The following NCAM2 variants were observed in gnomAD, a reference collection of about 807,000 sequenced individuals.
NCAM2 encodes the protein N-CAM-2.
Under a neutral mutation model 98.1 loss-of-function variants are expected in NCAM2, and 30 were observed. The ratio of observed to expected loss-of-function variants is 0.31; its 90% CI spans 0.23 to 0.41. The LOEUF is 0.41. Among genes scored for constraint, NCAM2 ranks in the 10% least tolerant of loss-of-function variants. The probability of loss-of-function intolerance (pLI) is 1.00; values close to 1 mark genes in which losing one functional copy is unlikely to be tolerated. For missense variants in NCAM2, 867 were observed against 1,005.8 expected, an observed-to-expected ratio of 0.86 and a Z score of 1.87; for synonymous variants, 368 against 342.4, an observed-to-expected ratio of 1.07 and a Z score of -0.83.
In NCAM2 at chr21:21,432,309, G is replaced by A. The variant is rs1393343092; in HGVS notation, c.1654+28G>A. Reference sequence around the variant, plus strand: ...GAGTCAACAATTTCAAAATGTGTTGGTTAATTCAAGCTGATCTTCAGTATA... The same window carrying A: ...GAGTCAACAATTTCAAAATGTGTTGATTAATTCAAGCTGATCTTCAGTATA... On this transcript the variant is annotated intron_variant, in intron 12 of 17. Transcript: ENST00000400546. 1.4e-5 allele frequency: 22 copies of A among 1,603,434 alleles called. No individual in the cohort carries two copies. The Admixed American group carries it at 3.5e-4, about 26-fold the overall frequency.
intron 6 of NCAM2, among the ~76,000 whole-genome samples, chr21:21,326,872 T>TA (rs1432985115): frequency 0.19 from 52 of 268 alleles, no homozygotes; most frequent in Non-Finnish European, 0.27. Context: ...ACCTTGTATC[T>TA]GACATATAGA....
At chr21:21,450,925 C>A (rs1437828376) in intron 12 of NCAM2, among the ~76,000 whole-genome samples, 2 of 151,416 alleles carry the variant, frequency 1.3e-5, no homozygotes, top group East Asian at 3.9e-4. Context: ...TTAAATGCTG[C>A]TTTTAATTTA....
chr21:21,403,986 T>C (rs1288310488), intron 9 of NCAM2, among the ~76,000 whole-genome samples: 2 of 151,550 alleles, frequency 1.3e-5, no homozygotes, highest in East Asian at 3.9e-4. Flanking sequence ...TAATATATGG[T>C]ATCATAATAC....
At chr21:21,512,552 G>T (rs1354103889) in intron 16 of NCAM2, among the ~76,000 whole-genome samples, 1 of 151,932 alleles carries the variant, frequency 6.6e-6, no homozygotes, top group Non-Finnish European at 1.5e-5. Context: ...TTTGAGTCAG[G>T]ATGGTTTTGG....
chr21:21,143,049 G>T (rs986837239), intron 1 of NCAM2, among the ~76,000 whole-genome samples: 8 of 152,136 alleles, frequency 5.3e-5, no homozygotes, highest in Admixed American at 4.6e-4. Flanking sequence ...TATATTCAAA[G>T]AAGTTATACT....
intron 16 of NCAM2, among the ~76,000 whole-genome samples, chr21:21,527,940 C>G (rs1429569930): frequency 6.6e-6 from 1 of 152,180 alleles, no homozygotes; most frequent in Admixed American, 6.5e-5. Flanking sequence ...AACTTGGAAG[C>G]AATTAAAACA....
rs535310836 is a variant in NCAM2 at position 21,481,080 on chromosome 21, G to A, written c.2077+3609G>A. Among the ~76,000 whole-genome samples the A allele has an allele frequency of 3.3e-4, 51 of 152,318 alleles. 1 individual carries two copies. The Middle Eastern group carries it at 0.01, about 30-fold the overall frequency. ...GTGTTAACAGGTGAATGGTATGTGA[G>A]TGAGGGTAAACCCGTCTAAGCAATG... On this transcript the variant is annotated intron_variant, in intron 15 of 17. Coordinates refer to ENST00000400546, the MANE Select transcript of NCAM2 (RefSeq NM_004540.5).
chr21:21,092,139 C>G (rs1354691711), intron 1 of NCAM2, among the ~76,000 whole-genome samples: 4 of 151,998 alleles, frequency 2.6e-5, no homozygotes, highest in Non-Finnish European at 5.9e-5. Context: ...CCTGTGATCA[C>G]AAGGGTCTGT....
chr21:21,397,223 T>A (rs574667804), intron 9 of NCAM2, among the ~76,000 whole-genome samples: 1 of 152,158 alleles, frequency 6.6e-6, no homozygotes, highest in African/African-American at 2.4e-5. Context: ...GCACCAGAAG[T>A]TATCACTCTG....
At chr21:21,139,779 T>C (rs2067129493) in intron 1 of NCAM2, among the ~76,000 whole-genome samples, 1 of 18,890 alleles carries the variant, frequency 5.3e-5, no homozygotes, top group South Asian at 5.6e-3. Flanking sequence ...ATTTTAAACA[T>C]CAATGTATGA....
chr21:21,165,339 A>G (rs1040162280), intron 1 of NCAM2, among the ~76,000 whole-genome samples: 2 of 152,140 alleles, frequency 1.3e-5, no homozygotes, highest in Admixed American at 6.6e-5. Flanking sequence ...TTACCTAAGC[A>G]TTTAGCACCC....
rs150874639 is a variant in NCAM2, at chr21:21,419,045, C to T, written c.1480+476C>T. On this transcript the variant is annotated intron_variant, in intron 11 of 17. Coordinates refer to ENST00000400546, the MANE Select transcript of NCAM2 (RefSeq NM_004540.5). The stretch of plus-strand genomic sequence containing the variant: ...AATTTTCCAAAACCTTAGACTTTAG[C>T]GTGTCTATAACAAAAATATGAACTT... Among the ~76,000 whole-genome samples, 33 of 152,136 alleles carry T rather than the reference C, an allele frequency of 2.2e-4. No individual in the cohort carries two copies. In the East Asian group the frequency reaches 4.2e-3, roughly 20 times the overall value.
intron 1 of NCAM2, among the ~76,000 whole-genome samples, chr21:21,217,643 A>T (rs184738558): frequency 6.6e-6 from 1 of 152,144 alleles, no homozygotes; most frequent in African/African-American, 2.4e-5. Context: ...AATTAACTCA[A>T]TAATTGATTT....
At chr21:21,280,040 T>A (rs1043219028) in intron 1 of NCAM2, among the ~76,000 whole-genome samples, 2 of 152,206 alleles carry the variant, frequency 1.3e-5, no homozygotes, top group African/African-American at 4.8e-5. Flanking sequence ...TTGTCCTGGG[T>A]CCTTCACTTA....
chr21:21,354,569 C>G (rs1408237646), intron 8 of NCAM2, among the ~76,000 whole-genome samples: 2 of 152,180 alleles, frequency 1.3e-5, no homozygotes, highest in Non-Finnish European at 2.9e-5. Context: ...CCACCCTCCC[C>G]CAGTGGTTCA....
chr21:21,121,782 A>C (rs896805567), intron 1 of NCAM2, among the ~76,000 whole-genome samples: 2 of 152,244 alleles, frequency 1.3e-5, no homozygotes, highest in African/African-American at 4.8e-5. Flanking sequence ...TGCCAGAATC[A>C]TGCCGTTGAA....
intron 10 of NCAM2, among the ~76,000 whole-genome samples, chr21:21,417,822 A>C (rs2077023989): frequency 6.6e-6 from 1 of 152,062 alleles, no homozygotes; most frequent in South Asian, 2.1e-4. Context: ...AGCGAGAAAA[A>C]GTGCCTGTCT....
chr21:21,149,568 C>A (rs917503800), intron 1 of NCAM2, among the ~76,000 whole-genome samples: 1 of 151,582 alleles, frequency 6.6e-6, no homozygotes, highest in African/African-American at 2.4e-5. Flanking sequence ...CCTCCCCTTG[C>A]CCCCCACCCC....
chr21:21,472,160 A>G lies in NCAM2; in HGVS notation c.1896+3377A>G, dbSNP rs547069304. Among the ~76,000 whole-genome samples the G allele has an allele frequency of 7.2e-5, 11 of 152,088 alleles. No individual in the cohort carries two copies. The South Asian group carries it at 1.9e-3, about 26-fold the overall frequency. On this transcript the variant is annotated intron_variant, in intron 14 of 17. Coordinates refer to ENST00000400546, the MANE Select transcript of NCAM2 (RefSeq NM_004540.5). ...TGATGATAGCTATGGGATCATAACT[A>G]TCACTTAGTGTTGGCATATTAAATA...
Sources: allele counts gnomAD v4.1 joint callset (sites outside exome capture counted in the v4.1 genomes callset), GRCh38; gene constraint gnomAD v4.1.1; transcripts MANE v1.5; gene names NCBI Gene and HGNC (gene_info 2026-07-23, HGNC 2026-07-21).